The following PPT1 variants were observed in gnomAD, a reference collection of about 807,000 sequenced individuals.
The protein encoded by PPT1 is palmitoyl-protein thioesterase 1.
In PPT1, 24 loss-of-function variants were observed where a neutral mutation model predicts 44.0. That is an observed-to-expected ratio of 0.54 (90% CI 0.39 to 0.77). PPT1 has a LOEUF of 0.77. PPT1 is among the 30% of genes least tolerant of loss of function. PPT1 has a pLI of 0.00. For missense variants in PPT1, 341 were observed against 378.8 expected, an observed-to-expected ratio of 0.90 and a Z score of 0.83; for synonymous variants, 148 against 140.2, an observed-to-expected ratio of 1.06 and a Z score of -0.39.
chr1:40,087,915 T>C (rs1202579977), intron 5 of PPT1, among the ~76,000 whole-genome samples: 2 of 151,084 alleles, frequency 1.3e-5, no homozygotes, highest in African/African-American at 2.4e-5. Context: ...AAAACAGCTT[T>C]GTGGCTATTT....
In PPT1 at chr1:40,080,803, G is replaced by A. The variant is rs1648895966; in HGVS notation, c.537-316C>T. On this transcript the variant is annotated intron_variant, in intron 5 of 8. Transcript: ENST00000642050. ...GCAGGAGAACTGCTAGAACCCCGGC[G>A]GCAGAGGTTGCAGTGAGCTGAGATC... 2.0e-5 allele frequency among the ~76,000 whole-genome samples: 3 copies of A among 152,154 alleles called. 1 individual carries two copies. The South Asian group carries it at 6.2e-4, about 31-fold the overall frequency.
chr1:40,072,806 T>C lies in PPT1; in HGVS notation c.*1255A>G, dbSNP rs1206854985. On this transcript the variant is annotated 3_prime_UTR_variant, in exon 9 of 9. Transcript: ENST00000642050. ...TAATCCTCATCTTTTAGTTGAAGAA[T>C]AAGGCTTAAGAGAGAGAAAGGAAAA... is the stretch of plus-strand genomic sequence containing the variant. The C allele has an allele frequency of 6.6e-6, 1 of 152,196 alleles. No homozygotes were observed. The highest frequency in any genetic ancestry group is 1.5e-5 in the Non-Finnish European group (1 of 68,016). The allele number at this position is 152,196 out of a possible 1,614,324, so 9.4% of individuals were successfully genotyped here. A position where few individuals can be genotyped will look rare whatever the true frequency, so the allele number is the denominator to read the frequency against.
At chr1:40,074,789 A>C (rs574027585) in intron 8 of PPT1, among the ~76,000 whole-genome samples, 17 of 152,194 alleles carry the variant, frequency 1.1e-4, no homozygotes, top group Admixed American at 3.9e-4. Flanking sequence ...AAGTATTAAA[A>C]ATAGATATGC....
intron 5 of PPT1, among the ~76,000 whole-genome samples, chr1:40,082,482 T>C (rs1649005767): frequency 6.7e-6 from 1 of 149,990 alleles, no homozygotes; most frequent in African/African-American, 2.4e-5. Context: ...ACACAAATAA[T>C]AAGGAAGCAA....
chr1:40,093,213 CAT>C (rs1553167542), intron 1 of PPT1, among the ~76,000 whole-genome samples: 3 of 152,168 alleles, frequency 2.0e-5, no homozygotes, highest in Admixed American at 6.5e-5. Flanking sequence ...AGTGCTGACA[CAT>C]GTTACAACTT....
downstream of PPT1, chr1:40,072,545 A>G (rs1156740891): frequency 6.5e-6 from 1 of 154,306 alleles, no homozygotes; most frequent in East Asian, 1.9e-4. Context: ...TGGTGGGAAG[A>G]GAGATTGTCC....
intron 7 of PPT1, among the ~76,000 whole-genome samples, chr1:40,077,725 C>T (rs1382729868): frequency 6.6e-6 from 1 of 152,108 alleles, no homozygotes; most frequent in East Asian, 1.9e-4. Flanking sequence ...GGATGGCATC[C>T]TTGCCTTGAC....
intron 5 of PPT1, among the ~76,000 whole-genome samples, chr1:40,089,205 G>A (rs1183762448): frequency 6.6e-6 from 1 of 150,416 alleles, no homozygotes; most frequent in Admixed American, 6.7e-5. Context: ...AGACTCGCTT[G>A]AACCTGGGAG....
intron 4 of PPT1, 58 bp from the exon 5 acceptor site, chr1:40,089,570 T>C: frequency 8.1e-7 from 1 of 1,228,540 alleles, no homozygotes; most frequent in Non-Finnish European, 1.2e-6. Flanking sequence ...GAATACCCAC[T>C]ATGCACAAGG....
At chr1:40,071,982 C>CT (rs1648127811), downstream of PPT1, 3 of 407,524 alleles carry the variant, frequency 7.4e-6, no homozygotes, top group Non-Finnish European at 1.3e-5. Context: ...TCTAACCAAA[C>CT]TAATTTTTCA....
chr1:40,076,939 C>G, intron 7 of PPT1, 26 bp from the exon 8 acceptor site: 1 of 1,613,698 alleles, frequency 6.2e-7, no homozygotes, highest in Non-Finnish European at 8.5e-7. Context: ...AGGAAAGAAG[C>G]TCAGATATGA....
At chr1:40,079,928 C>G (rs779445042) in intron 6 of PPT1, among the ~76,000 whole-genome samples, 4 of 152,096 alleles carry the variant, frequency 2.6e-5, no homozygotes, top group Non-Finnish European at 5.9e-5. Flanking sequence ...TGTTTCAAAA[C>G]AAAAAACCAA....
At chr1:40,080,224 A>T (rs924915786) in intron 6 of PPT1, among the ~76,000 whole-genome samples, 173 bp downstream of exon 6, 1 of 152,152 alleles carries the variant, frequency 6.6e-6, no homozygotes, top group Non-Finnish European at 1.5e-5. Context: ...ATGAATTTCA[A>T]CCTCCCTAAA....
chr1:40,085,303 C>T (rs1649202265), intron 5 of PPT1, among the ~76,000 whole-genome samples: 1 of 152,210 alleles, frequency 6.6e-6, no homozygotes, highest in Non-Finnish European at 1.5e-5. Flanking sequence ...CAGGGAAGGG[C>T]CCCCTGTCCA....
At chr1:40,096,966 C>T in intron 1 of PPT1, 149 bp downstream of exon 1, 1 of 1,405,778 alleles carries the variant, frequency 7.1e-7, no homozygotes, top group African/African-American at 1.4e-5. Context: ...TCTCTCTTTC[C>T]AATGCAGATC....
chr1:40,080,191 A>C (rs1648846817), intron 6 of PPT1, among the ~76,000 whole-genome samples: 1 of 152,202 alleles, frequency 6.6e-6, no homozygotes, highest in Admixed American at 6.5e-5. Flanking sequence ...GGAGAGGGAA[A>C]GAACTTAAGG....
chr1:40,076,933 A>C lies in PPT1; in HGVS notation c.727-20T>G. ...AAACCACTGCAGAAGAAGCAAAGGAAAGAAGCTCAGATATGACACACAGCA... is the reference window on the plus strand; with the variant it reads ...AAACCACTGCAGAAGAAGCAAAGGACAGAAGCTCAGATATGACACACAGCA... On this transcript the variant is annotated intron_variant, in intron 7 of 8. Transcript: ENST00000642050. The C allele has an allele frequency of 6.2e-7, 1 of 1,614,016 alleles. No homozygotes were observed. Among genetic ancestry groups the C allele is most frequent in the South Asian group, 1.1e-5 (1 of 91,086 alleles).
chr1:40,091,949 G>T, intron 3 of PPT1, 96 bp downstream of exon 3: 2 of 1,472,408 alleles, frequency 1.4e-6, no homozygotes, highest in Non-Finnish European at 1.9e-6. Context: ...TTCCAAGATA[G>T]GTGACAATCT....
Position 40,084,287 on chromosome 1 carries a change from G to A in PPT1, c.537-3800C>T, listed in dbSNP as rs376952970. 7.9e-5 allele frequency among the ~76,000 whole-genome samples: 12 copies of A among 152,280 alleles called. No individual in the cohort carries two copies. The South Asian group carries it at 8.3e-4, about 11-fold the overall frequency. ...AAACAGATAAGGAATTGCTTCTTAC[G>A]GATGAGCAAAACAGTGGCTTCTTGA... On this transcript the variant is annotated intron_variant, in intron 5 of 8. Transcript: ENST00000642050.
Sources: allele counts gnomAD v4.1 joint callset (sites outside exome capture counted in the v4.1 genomes callset), GRCh38; gene constraint gnomAD v4.1.1; transcripts MANE v1.5; gene names NCBI Gene and HGNC (gene_info 2026-07-23, HGNC 2026-07-21).